The following POLG variants were observed in gnomAD, a reference collection of about 807,000 sequenced individuals.
POLG encodes the protein DNA polymerase subunit gamma-1.
Under a neutral mutation model 155.4 loss-of-function variants are expected in POLG, and 110 were observed. The observed-to-expected ratio is 0.71, with a 90% confidence interval of 0.61 to 0.83. The LOEUF is 0.83. Among genes scored for constraint, POLG ranks in the 40% least tolerant of loss-of-function variants. POLG has a pLI of 0.00. For synonymous variants in POLG, 701 were observed against 631.5 expected, an observed-to-expected ratio of 1.11 and a Z score of -1.65; for missense variants, 1,685 against 1,627.5, an observed-to-expected ratio of 1.04 and a Z score of -0.61.
chr15:89,320,322 G>A (rs923976127), intron 18 of POLG, among the ~76,000 whole-genome samples: 2 of 152,280 alleles, frequency 1.3e-5, no homozygotes, highest in African/African-American at 4.8e-5. Context: ...GGAGAGCTAG[G>A]CTAAGTAACC....
chr15:89,325,927 G>C (rs1409755994), intron 9 of POLG, among the ~76,000 whole-genome samples: 2 of 152,194 alleles, frequency 1.3e-5, no homozygotes, highest in African/African-American at 4.8e-5. Flanking sequence ...TCAGAAGCCA[G>C]GACACAAAAG....
At chr15:89,325,085 AG>A (rs2055464180) in intron 10 of POLG, among the ~76,000 whole-genome samples, 2 of 77,674 alleles carry the variant, frequency 2.6e-5, no homozygotes, top group African/African-American at 1.7e-4. Context: ...AGTGAGTGAG[AG>A]AGTGAGTGAG....
At chr15:89,317,908 A>ATGT (rs987778087) in intron 21 of POLG, 62 of 346,036 alleles carry the variant, frequency 1.8e-4, no homozygotes, top group African/African-American at 1.3e-3. Flanking sequence ...AATGGGAACA[A>ATGT]TGTTGAATAT....
intron 8 of POLG, 60 bp from the exon 9 acceptor site, chr15:89,326,798 C>T: frequency 6.2e-7 from 1 of 1,612,368 alleles, no homozygotes; most frequent in South Asian, 1.1e-5. Context: ...AAGATCTGCT[C>T]CCACCCGCTC....
rs144346886 is a variant in POLG, at chr15:89,316,771, G to T, written c.3700C>A (p.Arg1234=). Residue 1234 remains arginine, a synonymous_variant, in exon 23 of 23, where the codon CGA becomes AGA. Transcript: ENST00000268124. The part of the protein sequence containing the change: ...IELTKGSLEK[R]SQPGP ...CAGTGCTATGGTCCAGGCTGGCTTC[G>T]TTTTTCCAAGGAGCCTTTGGTGAGT... 268 of 1,613,696 alleles carry T rather than the reference G, an allele frequency of 1.7e-4. 1 individual carries two copies. The African/African-American group carries it at 3.2e-3, about 19-fold the overall frequency.
intron 9 of POLG, among the ~76,000 whole-genome samples, chr15:89,326,064 T>C (rs1234761059): frequency 6.6e-6 from 1 of 152,132 alleles, no homozygotes; most frequent in East Asian, 1.9e-4. Flanking sequence ...GGTGCTCTCT[T>C]GCAGGCTGTT....
chr15:89,325,057 AGAGTGAGTGAGTGAGTGAGTGAGT>A (rs1173555720), intron 10 of POLG, among the ~76,000 whole-genome samples: 2 of 87,640 alleles, frequency 2.3e-5, no homozygotes, highest in African/African-American at 1.6e-4. Context: ...AGTGAGTGAG[AGAGTGAGTGAGTGAGTGAGTGAGT>A]GAGAGAGTGA....
In POLG at chr15:89,317,566, C is replaced by CA. The variant is rs779326389; in HGVS notation, c.3483-31dup. The CA allele has an allele frequency of 1.0e-5, 16 of 1,607,546 alleles. No homozygotes were observed. The Admixed American group carries it at 2.7e-4, about 27-fold the overall frequency. On this transcript the variant is annotated intron_variant, in intron 21 of 22. Coordinates refer to ENST00000268124, the MANE Select transcript of POLG (RefSeq NM_002693.3). ...AAGAGACCCAATCTACTCTCACAGT[C>CA]ATGCCCCTCCTGTGAACAGATGCAT...
At chr15:89,327,485 G>T in intron 6 of POLG, 136 bp from the exon 7 acceptor site, 1 of 769,948 alleles carries the variant, frequency 1.3e-6, no homozygotes, top group East Asian at 2.7e-5. Context: ...TTAAATCCCA[G>T]CTCTACTGTT....
chr15:89,318,159 A>AAGAAAGAAAACATTTATGGG (rs1261605231), intron 21 of POLG: 1 of 203,996 alleles, frequency 4.9e-6, no homozygotes, highest in African/African-American at 2.4e-5. Flanking sequence ...GCACTTACTT[A>AAGAAAGAAAACATTTATGGG]AGAAAGAAAA....
intron 10 of POLG, among the ~76,000 whole-genome samples, chr15:89,325,080 G>A (rs1481791999): frequency 1.2e-4 from 12 of 96,266 alleles, no homozygotes; most frequent in African/African-American, 6.4e-4. Flanking sequence ...GAGTGAGTGA[G>A]TGAGAGAGTG....
chr15:89,329,452 C>T (rs1357523175), intron 3 of POLG, among the ~76,000 whole-genome samples: 2 of 152,168 alleles, frequency 1.3e-5, no homozygotes, highest in Non-Finnish European at 2.9e-5. Flanking sequence ...TGGTCTGGCC[C>T]CAACCCTGCC....
rs1364324824 is a variant in POLG at position 89,325,260 on chromosome 15, GA to G, written c.1949+189del. On this transcript the variant is annotated intron_variant, in intron 10 of 22. Transcript: ENST00000268124. ...AGAGTGAGTGAGTGAGAGAGAGAGT[GA>G]GTGAGTGAGTGAGAGAGAGAGAAAG... 5.5e-5 allele frequency among the ~76,000 whole-genome samples: 5 copies of G among 90,912 alleles called. 1 individual carries two copies. The highest frequency in any genetic ancestry group is 3.2e-4 in the African/African-American group (5 of 15,698). 59.6% of individuals were successfully genotyped at this position (90,912 alleles called of 152,430 possible). A position where few individuals can be genotyped will look rare whatever the true frequency, so the allele number is the denominator to read the frequency against.
In POLG at chr15:89,324,423, G is replaced by A. The variant is rs74031919; in HGVS notation, c.1950-196C>T. The A allele has an allele frequency of 1.4e-3, 969 of 682,578 alleles. 8 individuals are homozygous for A. In the African/African-American group the frequency reaches 0.014, roughly 10 times the overall value. 42.3% of individuals were successfully genotyped at this position (682,578 alleles called of 1,614,324 possible). A position where few individuals can be genotyped will look rare whatever the true frequency, so the allele number is the denominator to read the frequency against. On this transcript the variant is annotated intron_variant, in intron 10 of 22. Coordinates refer to ENST00000268124, the MANE Select transcript of POLG (RefSeq NM_002693.3). ...GAAAATGACAGCACCCTGGCAGCAG[G>A]CTGGGGTTCAAGGCCTTGTCTCACT...
chr15:89,317,431 A>C lies in POLG; in HGVS notation c.3588T>G (p.Asp1196Glu). The C allele has an allele frequency of 6.2e-7, 1 of 1,614,014 alleles. No individual in the cohort carries two copies. Residue 1196 changes from aspartate (D) to glutamate (E), a missense_variant, in exon 22 of 23, where the codon GAT (aspartate) becomes GAG (glutamate). Asp to Glu is a conservative substitution (Grantham distance 45). Around this residue, in one of 3 missense-constraint regions of POLG, gnomAD observed 470 missense variants for 439.9 expected, o/e 1.07. Coordinates refer to ENST00000268124, the MANE Select transcript of POLG (RefSeq NM_002693.3). ...CAGTTGGGTTGGAAGGGGTTTTACAATCCATGGTCACTTCCTTCCTGAGGC... is the reference window on the plus strand; with the variant it reads ...CAGTTGGGTTGGAAGGGGTTTTACACTCCATGGTCACTTCCTTCCTGAGGC... Reference protein sequence around the residue: ...DRCLRKEVTMDCKTPSNPTGM... With the variant: ...DRCLRKEVTMECKTPSNPTGM...
At chr15:89,331,458 A>G (rs1596361079) in intron 2 of POLG, among the ~76,000 whole-genome samples, 2 of 152,254 alleles carry the variant, frequency 1.3e-5, no homozygotes, top group Admixed American at 1.3e-4. Flanking sequence ...CTGTGCATGA[A>G]GCCATATTAT....
chr15:89,327,628 G>A (rs948347138), intron 6 of POLG, among the ~76,000 whole-genome samples: 3 of 152,178 alleles, frequency 2.0e-5, no homozygotes, highest in Admixed American at 6.5e-5. Context: ...GCTGCCACAC[G>A]TGGAGTAATG....
rs370495601 is a variant in POLG, at chr15:89,324,614, T to G, written c.1950-387A>C. Among the ~76,000 whole-genome samples the G allele has an allele frequency of 4.6e-5, 7 of 152,324 alleles. No homozygotes were observed. In the East Asian group the frequency reaches 7.7e-4, roughly 17 times the overall value. Reference sequence around the variant, plus strand: ...GCCAGTGTTATCCCCTTTGGTCCCATGGCCCCATAAGAGACTCAGGCTGCC... The same window carrying G: ...GCCAGTGTTATCCCCTTTGGTCCCAGGGCCCCATAAGAGACTCAGGCTGCC... On this transcript the variant is annotated intron_variant, in intron 10 of 22. Transcript: ENST00000268124.
In POLG at chr15:89,333,596, T is replaced by TTGCTGCTGCTGCTGCTGC. The variant is rs41550117; in HGVS notation, c.141_158dup (p.Gln50_Gln55dup). ...GCACTTGCGGCTGCTGAGGCTGCTG[T>TTGCTGCTGCTGCTGCTGC]TGCTGCTGCTGCTGCTGCTGCTGCT... On this transcript the variant is annotated inframe_insertion, in exon 2 of 23. Transcript: ENST00000268124. 23 of 1,598,000 alleles carry TTGCTGCTGCTGCTGCTGC rather than the reference T, an allele frequency of 1.4e-5. No individual in the cohort carries two copies. Among genetic ancestry groups the TTGCTGCTGCTGCTGCTGC allele is most frequent in the Non-Finnish European group, 1.7e-5 (20 of 1,173,512 alleles).
Sources: allele counts gnomAD v4.1 joint callset (sites outside exome capture counted in the v4.1 genomes callset), GRCh38; gene constraint gnomAD v4.1.1; regional missense constraint gnomAD v4.1.1; transcripts MANE v1.5; gene names NCBI Gene and HGNC (gene_info 2026-07-23, HGNC 2026-07-21).